AMPH: variants seen among roughly 807,000 people sequenced by gnomAD.
AMPH encodes amphiphysin, also known as amphiphysin (Stiff-Mann syndrome with breast cancer 128kD autoantigen).
In AMPH, 49 loss-of-function variants were observed where a neutral mutation model predicts 99.1. The ratio of observed to expected loss-of-function variants is 0.49; its 90% CI spans 0.39 to 0.63. The LOEUF (loss-of-function observed/expected upper bound fraction) is 0.63, where lower values mean the gene tolerates loss of function less well. AMPH is among the 20% of genes least tolerant of loss of function. AMPH has a pLI of 0.00. For synonymous variants in AMPH, 314 were observed against 317.3 expected (o/e 0.99, Z 0.11); for missense variants, 759 against 863.4 (o/e 0.88, Z 1.52).
At chr7:38,432,993 C>A (rs1786096619) in intron 12 of AMPH, among the ~76,000 whole-genome samples, 5 of 152,174 alleles carry the variant, frequency 3.3e-5, no homozygotes, top group Admixed American at 3.3e-4. Flanking sequence ...TTCTTATTTC[C>A]TTTATGATTG....
rs1491120216 is a variant in AMPH at position 38,441,742 on chromosome 7, A to ATATATATCATATATATATCATATATAT, written c.1018-5355_1018-5354insATATATATGATATATATATGATATATA. On this transcript the variant is annotated intron_variant, in intron 11 of 20. Coordinates refer to ENST00000356264, the MANE Select transcript of AMPH (RefSeq NM_001635.4). ...GGATAAAGAAAATGATATATATGAC[A>ATATATATCATATATATATCATATATAT]GATATATCATATATATATCATATAT... is the stretch of plus-strand genomic sequence containing the variant. Among the ~76,000 whole-genome samples, 6 of 128,830 alleles carry ATATATATCATATATATATCATATATAT rather than the reference A, an allele frequency of 4.7e-5. No individual in the cohort carries two copies. In the East Asian group the frequency reaches 1.5e-3, roughly 31 times the overall value. 84.5% of individuals were successfully genotyped at this position (128,830 alleles called of 152,430 possible).
chr7:38,550,199 C>T (rs1791131486), intron 1 of AMPH, among the ~76,000 whole-genome samples: 2 of 152,304 alleles, frequency 1.3e-5, no homozygotes, highest in African/African-American at 4.8e-5. Context: ...TCCCCTAAAT[C>T]CTTGCCACTT....
At chr7:38,465,821 T>G (rs1432254657) in intron 8 of AMPH, among the ~76,000 whole-genome samples, 1 of 152,162 alleles carries the variant, frequency 6.6e-6, no homozygotes, top group African/African-American at 2.4e-5. Flanking sequence ...TTACATTGAC[T>G]CCACCCTTTT....
chr7:38,523,287 C>T (rs1425148500), intron 2 of AMPH, among the ~76,000 whole-genome samples: 1 of 152,000 alleles, frequency 6.6e-6, no homozygotes. Flanking sequence ...ACTTAGAAGG[C>T]CTAGAAGTAT....
At chr7:38,581,508 T>G (rs1422505770) in intron 1 of AMPH, among the ~76,000 whole-genome samples, 1 of 152,090 alleles carries the variant, frequency 6.6e-6, no homozygotes, top group African/African-American at 2.4e-5. Context: ...AGATGGGGTT[T>G]TGTGGGCCTT....
chr7:38,461,187 T>C (rs560935726), intron 11 of AMPH, 96 bp downstream of exon 11: 17 of 1,401,828 alleles, frequency 1.2e-5, no homozygotes, highest in Non-Finnish European at 1.7e-5. Context: ...ATTATGTTGT[T>C]GGTTCTGGAA....
intron 1 of AMPH, among the ~76,000 whole-genome samples, chr7:38,614,253 G>A (rs573234778): frequency 6.6e-6 from 1 of 152,332 alleles, no homozygotes; most frequent in African/African-American, 2.4e-5. Context: ...GGGAGGAATT[G>A]ATACTGGGGG....
intron 5 of AMPH, among the ~76,000 whole-genome samples, chr7:38,482,540 G>C (rs1210510594): frequency 6.6e-6 from 1 of 152,044 alleles, no homozygotes; most frequent in East Asian, 1.9e-4. Flanking sequence ...TTCTGTATGT[G>C]CTTGTATTCT....
chr7:38,422,400 C>A (rs201442197), intron 16 of AMPH, 21 bp downstream of exon 16: 2 of 1,606,188 alleles, frequency 1.2e-6, no homozygotes, highest in East Asian at 4.5e-5. Context: ...TTCCTGAGAG[C>A]ACAAACCCAA....
At chr7:38,442,415 A>G (rs1457434829) in intron 11 of AMPH, among the ~76,000 whole-genome samples, 1 of 152,146 alleles carries the variant, frequency 6.6e-6, no homozygotes, top group Non-Finnish European at 1.5e-5. Context: ...CCCAGCTGGA[A>G]AAAACTGTCA....
At chr7:38,575,990 A>G (rs1427284930) in intron 1 of AMPH, among the ~76,000 whole-genome samples, 1 of 152,188 alleles carries the variant, frequency 6.6e-6, no homozygotes, top group Non-Finnish European at 1.5e-5. Flanking sequence ...TAGCTTCTGT[A>G]AGTTACTCTC....
At chr7:38,510,686 G>A (rs7789008) in intron 2 of AMPH, among the ~76,000 whole-genome samples, 10,853 of 152,030 alleles carry the variant, frequency 0.071, 629 homozygotes, top group East Asian at 0.25. Flanking sequence ...TATTTTAGCC[G>A]TATGATCCGC....
At position 38,384,076 on chromosome 7, in the gene AMPH, C is replaced by T. The variant is rs1222584016; in HGVS notation, c.*742G>A. The T allele has an allele frequency of 6.6e-6, 1 of 152,316 alleles. No homozygotes were observed. Among genetic ancestry groups the T allele is most frequent in the Non-Finnish European group, 1.5e-5 (1 of 68,052 alleles). 9.4% of individuals were successfully genotyped at this position (152,316 alleles called of 1,614,324 possible). A position where few individuals can be genotyped will look rare whatever the true frequency, so the allele number is the denominator to read the frequency against. On this transcript the variant is annotated 3_prime_UTR_variant, in exon 21 of 21. Transcript: ENST00000356264. Reference sequence around the variant, plus strand: ...GCTATCTGTCATCTCATCCTGAAAACTGCACAGTACAAACACAGATACTGT... The same window carrying T: ...GCTATCTGTCATCTCATCCTGAAAATTGCACAGTACAAACACAGATACTGT...
At chr7:38,620,395 T>G (rs148036341) in intron 1 of AMPH, among the ~76,000 whole-genome samples, 369 of 148,678 alleles carry the variant, frequency 2.5e-3, no homozygotes, top group African/African-American at 8.6e-3. Flanking sequence ...GCAGGATGTC[T>G]TACACAGATG....
At chr7:38,513,458 C>T (rs972905151) in intron 2 of AMPH, among the ~76,000 whole-genome samples, 2 of 152,026 alleles carry the variant, frequency 1.3e-5, no homozygotes, top group African/African-American at 2.4e-5. Context: ...CAAAGAATAC[C>T]AATTGGGTTG....
rs184629019 is a variant in AMPH, at chr7:38,400,266, C to A, written c.1399-6052G>T. Among the ~76,000 whole-genome samples, 35 of 152,172 alleles carry A rather than the reference C, an allele frequency of 2.3e-4. No homozygotes were observed. The East Asian group carries it at 5.8e-3, about 25-fold the overall frequency. On this transcript the variant is annotated intron_variant, in intron 17 of 20. Coordinates refer to ENST00000356264, the MANE Select transcript of AMPH (RefSeq NM_001635.4). ...AATTTTTTTGTATTTTGAGTGGAGA[C>A]AGGGTTTCACCATGTTGGCCAGGCT...
chr7:38,572,135 C>A (rs1792068138), intron 1 of AMPH, among the ~76,000 whole-genome samples: 1 of 152,080 alleles, frequency 6.6e-6, no homozygotes, highest in African/African-American at 2.4e-5. Context: ...AAACTCCCGA[C>A]CTCAGGTGAT....
At chr7:38,389,467 C>A (rs1280486726) in intron 20 of AMPH, among the ~76,000 whole-genome samples, 3 of 152,212 alleles carry the variant, frequency 2.0e-5, no homozygotes, top group African/African-American at 4.8e-5. Context: ...TATCCACACA[C>A]CCAGAGGCAA....
At chr7:38,562,128 T>C (rs1791576558) in intron 1 of AMPH, among the ~76,000 whole-genome samples, 1 of 151,394 alleles carries the variant, frequency 6.6e-6, no homozygotes, top group Admixed American at 6.6e-5. Flanking sequence ...GAAGGAAACG[T>C]GAGGCTAAAA....
Sources: gnomAD v4.1 joint callset for allele counts (sites outside exome capture counted in the v4.1 genomes callset) on GRCh38, gnomAD v4.1.1 for gene constraint, MANE v1.5 for transcripts, NCBI Gene and HGNC (gene_info 2026-07-23, HGNC 2026-07-21) for gene names.